The following VEGFC variants were observed in gnomAD, a reference collection of about 807,000 sequenced individuals.
VEGFC encodes vascular endothelial growth factor C.
Under a neutral mutation model 46.1 loss-of-function variants are expected in VEGFC, and 12 were observed. The ratio of observed to expected loss-of-function variants is 0.26; its 90% CI spans 0.17 to 0.42. The LOEUF is 0.42. Ranked by LOEUF, VEGFC falls within the 10% of genes least tolerant of loss-of-function variation. The probability of loss-of-function intolerance (pLI) is 1.00; values close to 1 mark genes in which losing one functional copy is unlikely to be tolerated. For synonymous variants in VEGFC, 232 were observed against 195.5 expected (o/e 1.19, Z -1.56); for missense variants, 488 against 529.4 (o/e 0.92, Z 0.77).
chr4:176,685,141 T>TA (rs1187762833), intron 6 of VEGFC, among the ~76,000 whole-genome samples: 2 of 152,186 alleles, frequency 1.3e-5, no homozygotes, highest in African/African-American at 4.8e-5. Flanking sequence ...AAGTGTGCTA[T>TA]AAAAAACCCT....
chr4:176,749,927 A>T (rs1735314803), intron 1 of VEGFC, among the ~76,000 whole-genome samples: 1 of 151,740 alleles, frequency 6.6e-6, no homozygotes, highest in African/African-American at 2.4e-5. Flanking sequence ...TCATCTTTGA[A>T]AAAAACCTGT....
intron 1 of VEGFC, among the ~76,000 whole-genome samples, chr4:176,734,945 A>AC (rs1553994605): frequency 1.3e-5 from 2 of 149,558 alleles, no homozygotes; most frequent in Admixed American, 1.3e-4. Context: ...GCATTCAGCC[A>AC]TTTTTTTTTT....
At chr4:176,760,196 G>A (rs142340305) in intron 1 of VEGFC, among the ~76,000 whole-genome samples, 2 of 152,194 alleles carry the variant, frequency 1.3e-5, no homozygotes, top group East Asian at 3.9e-4. Context: ...GCAAAGAATG[G>A]TAAGTTTTAA....
chr4:176,692,848 C>A (rs1734229791), intron 4 of VEGFC, among the ~76,000 whole-genome samples: 1 of 146,300 alleles, frequency 6.8e-6, no homozygotes, highest in African/African-American at 2.7e-5. Flanking sequence ...AACTGGGAGG[C>A]ACCCCCCAGC....
intron 4 of VEGFC, among the ~76,000 whole-genome samples, chr4:176,693,860 T>G (rs1241379487): frequency 2.7e-5 from 4 of 149,810 alleles, no homozygotes; most frequent in Non-Finnish European, 5.9e-5. Flanking sequence ...ACCCAGAATT[T>G]CATATCCAGC....
At position 176,687,215 on chromosome 4, in the gene VEGFC, C is replaced by T. The variant is rs749225959; in HGVS notation, c.1117G>A (p.Gly373Arg). The T allele has an allele frequency of 6.2e-7, 1 of 1,613,032 alleles. No individual in the cohort carries two copies. Among genetic ancestry groups the T allele is most frequent in the Admixed American group, 1.7e-5 (1 of 59,712 alleles). Reference sequence around the variant, plus strand: ...CATGTTTGGTGGTGGAACTTCTTTCCTTTTAACAAGCATTTCTGTGGACTT... The same window carrying T: ...CATGTTTGGTGGTGGAACTTCTTTCTTTTTAACAAGCATTTCTGTGGACTT... ...TESPQKCLLK[G>R]KKFHHQTCSC... The change falls in exon 6 of 7, where the codon GGA becomes AGA. Residue 373 changes from glycine (G) to arginine (R), a missense_variant. Coordinates refer to ENST00000618562, the MANE Select transcript of VEGFC (RefSeq NM_005429.5).
intron 1 of VEGFC, among the ~76,000 whole-genome samples, chr4:176,762,902 A>G (rs1377673341): frequency 1.3e-5 from 2 of 152,240 alleles, no homozygotes; most frequent in Non-Finnish European, 2.9e-5. Context: ...TAGTTCCCTA[A>G]GTTAAGCTAG....
chr4:176,784,677 TG>T (rs1735971674), intron 1 of VEGFC, among the ~76,000 whole-genome samples: 1 of 132,296 alleles, frequency 7.6e-6, no homozygotes, highest in African/African-American at 2.8e-5. Flanking sequence ...GGCGTGAACC[TG>T]GGAGGCGGAG....
chr4:176,725,129 C>G (rs1243974760), intron 3 of VEGFC, among the ~76,000 whole-genome samples: 1 of 152,086 alleles, frequency 6.6e-6, no homozygotes, highest in Non-Finnish European at 1.5e-5. Context: ...CCCAATTACC[C>G]TGATTTGATC....
intron 3 of VEGFC, among the ~76,000 whole-genome samples, chr4:176,718,070 G>A (rs573309064): frequency 1.1e-4 from 17 of 152,178 alleles, no homozygotes; most frequent in Non-Finnish European, 1.8e-4. Flanking sequence ...AATAAAATAC[G>A]TGAATCTCAT....
At chr4:176,773,051 G>A (rs1735749187) in intron 1 of VEGFC, among the ~76,000 whole-genome samples, 1 of 152,152 alleles carries the variant, frequency 6.6e-6, no homozygotes, top group Admixed American at 6.5e-5. Flanking sequence ...GCCAGGAATG[G>A]CAAAAATGCA....
intron 1 of VEGFC, among the ~76,000 whole-genome samples, chr4:176,782,168 T>G (rs1402586080): frequency 6.6e-6 from 1 of 152,186 alleles, no homozygotes; most frequent in South Asian, 2.1e-4. Flanking sequence ...AAAGCACTTG[T>G]AAGAGAAAAA....
Position 176,687,282 on chromosome 4 carries a change from A to C in VEGFC, c.1050T>G (p.Asn350Lys). 1.9e-6 allele frequency: 3 copies of C among 1,613,858 alleles called. No homozygotes were observed. The highest frequency in any genetic ancestry group is 2.5e-6 in the Non-Finnish European group (3 of 1,179,980). Residue 350 changes from asparagine to lysine, a missense_variant, in exon 6 of 7, where the codon AAT (asparagine) becomes AAG (lysine). Physicochemically the swap from Asn to Lys is moderately conservative, Grantham distance 94. Coordinates refer to ENST00000618562, the MANE Select transcript of VEGFC (RefSeq NM_005429.5). ...QCVCKRTCPR[N>K]QPLNPGKCAC... ...CACATTTTCCAGGATTTAGGGGTTG[A>C]TTTCTGGGGCAGGTTCTTTTACATA...
intron 1 of VEGFC, among the ~76,000 whole-genome samples, chr4:176,778,349 G>T (rs1735850466): frequency 6.6e-6 from 1 of 151,714 alleles, no homozygotes; most frequent in Non-Finnish European, 1.5e-5. Context: ...ATTATAATTG[G>T]GAGCAAGAAA....
intron 1 of VEGFC, among the ~76,000 whole-genome samples, chr4:176,788,071 A>C (rs1736033190): frequency 6.6e-6 from 1 of 152,214 alleles, no homozygotes; most frequent in Non-Finnish European, 1.5e-5. Context: ...GCCAACTTAA[A>C]TTTGTTCTTT....
chr4:176,792,130 T>C lies in VEGFC; in HGVS notation c.147+35A>G, dbSNP rs752373902. On this transcript the variant is annotated intron_variant, in intron 1 of 6. Transcript: ENST00000618562. The surrounding 1 kb of genome is among the most constrained non-coding windows in gnomAD (Gnocchi z 6.3). ...GTCCGCCGCAGACCCTAACGCAAAC[T>C]CTCGGGTTCTCCGCAAACCCTAACG... is the stretch of plus-strand genomic sequence containing the variant. 2.7e-5 allele frequency: 38 copies of C among 1,433,790 alleles called. No homozygotes were observed. In the Admixed American group the frequency reaches 3.4e-4, roughly 13 times the overall value. The allele number at this position is 1,433,790 out of a possible 1,614,324, so 88.8% of individuals were successfully genotyped here. A position where few individuals can be genotyped will look rare whatever the true frequency, so the allele number is the denominator to read the frequency against.
intron 1 of VEGFC, among the ~76,000 whole-genome samples, chr4:176,757,464 T>C (rs1222538522): frequency 1.3e-5 from 2 of 152,104 alleles, no homozygotes; most frequent in African/African-American, 4.8e-5. Flanking sequence ...GGTAATTTGA[T>C]CTGTTAACAA....
At chr4:176,766,184 G>A (rs1233136738) in intron 1 of VEGFC, among the ~76,000 whole-genome samples, 2 of 152,134 alleles carry the variant, frequency 1.3e-5, no homozygotes, top group Non-Finnish European at 2.9e-5. Context: ...GCCCATTATT[G>A]CTAATATATC....
In VEGFC at chr4:176,711,424, T is replaced by A. The variant is rs547569778; in HGVS notation, c.704+75A>T. The A allele has an allele frequency of 3.7e-5, 55 of 1,477,752 alleles. No homozygotes were observed. The East Asian group carries it at 1.3e-3, about 35-fold the overall frequency. The allele number at this position is 1,477,752 out of a possible 1,614,324, so 91.5% of individuals were successfully genotyped here. Reference sequence around the variant, plus strand: ...CAGTAAATTTCACAGAGGTTATTTGTTTAACTTATGTTTACTTGAAAATAA... The same window carrying A: ...CAGTAAATTTCACAGAGGTTATTTGATTAACTTATGTTTACTTGAAAATAA... On this transcript the variant is annotated intron_variant, in intron 4 of 6. Transcript: ENST00000618562.
Sources: gnomAD v4.1 joint callset for allele counts (sites outside exome capture counted in the v4.1 genomes callset) on GRCh38, gnomAD v4.1.1 for gene constraint, Gnocchi (gnomAD v3.1) non-coding constraint, MANE v1.5 for transcripts, NCBI Gene and HGNC (gene_info 2026-07-23, HGNC 2026-07-21) for gene names.